The following ZNF473 variants were observed in gnomAD, a reference collection of about 807,000 sequenced individuals.
ZNF473 encodes zinc finger protein 473, also known as zinc finger protein 100 homolog.
Under a neutral mutation model 11.1 loss-of-function variants are expected in ZNF473, and 4 were observed. The observed-to-expected ratio is 0.36, with a 90% CI of 0.18 to 0.82. The LOEUF (loss-of-function observed/expected upper bound fraction) is 0.82, where lower values mean the gene tolerates loss of function less well. Ranked by LOEUF, ZNF473 falls within the 40% of genes least tolerant of loss-of-function variation. The probability of loss-of-function intolerance (pLI) is 0.49; values close to 1 mark genes in which losing one functional copy is unlikely to be tolerated. For synonymous variants in ZNF473, 404 were observed against 390.4 expected (o/e 1.03, Z -0.41); for missense variants, 854 against 1,084.0 (o/e 0.79, Z 2.98).
chr19:50,047,142 C>A lies in ZNF473; in HGVS notation c.*83C>A. On this transcript the variant is annotated 3_prime_UTR_variant, in exon 5 of 5. Transcript: ENST00000270617. Reference sequence around the variant, plus strand: ...GGAAACTATCCCATTGCAAGTTTCTCTCCAAATAAATGCATCTAAAGATTG... The same window carrying A: ...GGAAACTATCCCATTGCAAGTTTCTATCCAAATAAATGCATCTAAAGATTG... 1 of 1,188,794 alleles carries A rather than the reference C, an allele frequency of 8.4e-7. No homozygotes were observed. The highest frequency in any genetic ancestry group is 1.2e-6 in the Non-Finnish European group (1 of 856,336). The allele number at this position is 1,188,794 out of a possible 1,614,324, so 73.6% of individuals were successfully genotyped here.
intron 2 of ZNF473, among the ~76,000 whole-genome samples, chr19:50,035,163 G>A (rs1361887944): frequency 6.6e-6 from 1 of 151,984 alleles, no homozygotes; most frequent in Non-Finnish European, 1.5e-5. Context: ...GTGGTGGTGT[G>A]CACCTGTAGT....
chr19:50,027,581 G>A (rs749229104), intron 1 of ZNF473, among the ~76,000 whole-genome samples: 24 of 152,162 alleles, frequency 1.6e-4, no homozygotes, highest in Non-Finnish European at 3.2e-4. Context: ...GGTAACTGCA[G>A]ACAGGGATCT....
rs1272719473 is a variant in ZNF473 at position 50,046,507 on chromosome 19, C to T, written c.2064C>T (p.Tyr688=). ...ACAGAGTCTTCACCCAGAGAAACTACCTTGTTCAGCATGAGCGAACTCATG... is the reference window on the plus strand; with the variant it reads ...ACAGAGTCTTCACCCAGAGAAACTATCTTGTTCAGCATGAGCGAACTCATG... The part of the protein sequence containing the change: ...KCDRVFTQRN[Y]LVQHERTHAR... Residue 688 remains tyrosine (Y), a synonymous_variant, in exon 5 of 5, where the codon TAC becomes TAT. Coordinates refer to ENST00000270617, the MANE Select transcript of ZNF473 (RefSeq NM_015428.4). This position sits in a 1 kb window ranked among gnomAD's most constrained non-coding sequence, Gnocchi z 5.9. 1.9e-6 allele frequency: 3 copies of T among 1,614,238 alleles called. No homozygotes were observed. The highest frequency in any genetic ancestry group is 1.7e-5 in the Admixed American group (1 of 60,028).
rs1568410693 is a variant in ZNF473 at position 50,045,148 on chromosome 19, A to G, written c.705A>G (p.Lys235=). 1 of 1,614,142 alleles carries G rather than the reference A, an allele frequency of 6.2e-7. No homozygotes were observed. The highest frequency in any genetic ancestry group is 8.5e-7 in the Non-Finnish European group (1 of 1,180,018). Residue 235 remains lysine, a synonymous_variant, in exon 5 of 5, where the codon AAA becomes AAG. Transcript: ENST00000270617. ...TQHWITHTRE[K]PTVHQECEQG... is the part of the protein sequence containing the mutation. Reference sequence around the variant, plus strand: ...ACTGGATCACTCATACTAGGGAGAAACCCACTGTCCATCAAGAGTGTGAGC... The same window carrying G: ...ACTGGATCACTCATACTAGGGAGAAGCCCACTGTCCATCAAGAGTGTGAGC...
chr19:50,045,727 G>A lies in ZNF473; in HGVS notation c.1284G>A (p.Glu428=). Residue 428 remains glutamate, a synonymous_variant, in exon 5 of 5, where the codon GAG becomes GAA. Coordinates refer to ENST00000270617, the MANE Select transcript of ZNF473 (RefSeq NM_015428.4). The part of the protein sequence containing the change: ...LKIHQRVHSG[E]KPYKCSECGK... ...TCCATCAGAGGGTTCACAGTGGAGA[G>A]AAGCCTTACAAATGCAGTGAGTGTG... is the stretch of plus-strand genomic sequence containing the variant. 1 of 1,614,108 alleles carries A rather than the reference G, an allele frequency of 6.2e-7. No homozygotes were observed. Among genetic ancestry groups the A allele is most frequent in the Non-Finnish European group, 8.5e-7 (1 of 1,180,028 alleles).
At chr19:50,034,106 T>C (rs1046953612) in intron 2 of ZNF473, among the ~76,000 whole-genome samples, 1 of 152,206 alleles carries the variant, frequency 6.6e-6, no homozygotes, top group Non-Finnish European at 1.5e-5. Flanking sequence ...CTGCTTCTCC[T>C]ATGTCTCAGT....
Position 50,046,772 on chromosome 19 carries a change from C to T in ZNF473, c.2329C>T (p.Arg777Trp), listed in dbSNP as rs151290509. ...CCAGAGCTCATGCCTTTCTATTCAC[C>T]GGAGAGTTCACACTGGGGAGAAGCC... ...FTQSSCLSIH[R>W]RVHTGEKPYR... Residue 777 changes from arginine to tryptophan, a missense_variant, in exon 5 of 5, where the codon CGG becomes TGG. Around this residue, in one of 2 missense-constraint regions of ZNF473, gnomAD observed 186 missense variants for 293.8 expected, o/e 0.63. Coordinates refer to ENST00000270617, the MANE Select transcript of ZNF473 (RefSeq NM_015428.4). The surrounding 1 kb of genome is among the most constrained non-coding windows in gnomAD (Gnocchi z 5.9). The T allele has an allele frequency of 1.2e-4, 196 of 1,614,138 alleles. 2 individuals are homozygous for T. The African/African-American group carries it at 2.0e-3, about 17-fold the overall frequency.
At chr19:50,033,480 G>C (rs530144064) in intron 2 of ZNF473, among the ~76,000 whole-genome samples, 1 of 152,184 alleles carries the variant, frequency 6.6e-6, no homozygotes, top group Admixed American at 6.5e-5. Flanking sequence ...AGCAGAGGAG[G>C]GACAGGATTT....
At chr19:50,028,688 A>G (rs1297391728) in intron 1 of ZNF473, among the ~76,000 whole-genome samples, 1 of 152,108 alleles carries the variant, frequency 6.6e-6, no homozygotes, top group Non-Finnish European at 1.5e-5. Context: ...CAATGTTGCC[A>G]AATCCTAGGA....
At chr19:50,028,508 ATTTTTAATTTTTTTTTTT>A (rs2077299997) in intron 1 of ZNF473, among the ~76,000 whole-genome samples, 2 of 142,658 alleles carry the variant, frequency 1.4e-5, no homozygotes, top group African/African-American at 5.7e-5. Flanking sequence ...CAACTTGCTC[ATTTTTAATTTTTTTTTTT>A]TAGAAACAAG....
Position 50,046,042 on chromosome 19 carries a change from CGA to C in ZNF473, c.1603_1604del (p.Ser535CysfsTer28). On this transcript the variant is annotated frameshift_variant, in exon 5 of 5. Transcript: ENST00000270617. LOFTEE classifies it low-confidence loss of function (END_TRUNC). The surrounding 1 kb of genome is among the most constrained non-coding windows in gnomAD (Gnocchi z 5.9). ...FICGSTLKCH[E>X]SVHAREKQGF... Reference sequence around the variant, plus strand: ...TTTGCGGCTCAACCCTGAAGTGCCACGAGAGTGTTCACGCCAGAGAAAAACAA... The same window carrying C: ...TTTGCGGCTCAACCCTGAAGTGCCACGAGTGTTCACGCCAGAGAAAAACAA... 1 of 1,614,154 alleles carries C rather than the reference CGA, an allele frequency of 6.2e-7. No individual in the cohort carries two copies. Among genetic ancestry groups the C allele is most frequent in the Non-Finnish European group, 8.5e-7 (1 of 1,180,038 alleles).
At chr19:50,043,070 C>T (rs1027264892) in intron 4 of ZNF473, 1 of 152,292 alleles carries the variant, frequency 6.6e-6, no homozygotes, top group Non-Finnish European at 1.5e-5. Flanking sequence ...GATGGGGAGA[C>T]TGGAGGCATA....
chr19:50,031,066 C>G lies in ZNF473; in HGVS notation c.-17C>G. ...AGGAGGAGGAGCTTAAAAGAGGCTA[C>G]TGAACCCCAGTTGGCCATGGCTGAG... On this transcript the variant is annotated 5_prime_UTR_variant, in exon 2 of 5. Coordinates refer to ENST00000270617, the MANE Select transcript of ZNF473 (RefSeq NM_015428.4). The G allele has an allele frequency of 1.3e-6, 2 of 1,565,732 alleles. No homozygotes were observed. The highest frequency in any genetic ancestry group is 1.9e-5 in the Admixed American group (1 of 53,386).
At chr19:50,031,120 G>A (rs367671007) in intron 2 of ZNF473, 29 bp downstream of exon 2, 15 of 1,562,304 alleles carry the variant, frequency 9.6e-6, no homozygotes, top group African/African-American at 4.1e-5. Context: ...TGTCCTAATC[G>A]GTCACACCCA....
rs1978660827 is a variant in ZNF473 at position 50,039,565 on chromosome 19, A to G, written c.136+278A>G. Among the ~76,000 whole-genome samples the G allele has an allele frequency of 6.6e-6, 1 of 152,254 alleles. No homozygotes were observed. The highest frequency in any genetic ancestry group is 1.5e-5 in the Non-Finnish European group (1 of 68,046). On this transcript the variant is annotated intron_variant, in intron 3 of 4. Transcript: ENST00000270617. The surrounding 1 kb of genome is among the most constrained non-coding windows in gnomAD (Gnocchi z 4.8). ...AGTGCACAGCACAGCCCCACAACCAAGGATTGGCCCACGCCAGTGTCAGTA... is the reference window on the plus strand; with the variant it reads ...AGTGCACAGCACAGCCCCACAACCAGGGATTGGCCCACGCCAGTGTCAGTA...
chr19:50,043,063 G>T, intron 4 of ZNF473: 1 of 152,480 alleles, frequency 6.6e-6, no homozygotes, highest in Non-Finnish European at 1.5e-5. Context: ...GAGGAGAGAT[G>T]GGGAGACTGG....
chr19:50,041,582 G>T, intron 3 of ZNF473, 148 bp from the exon 4 acceptor site: 1 of 563,348 alleles, frequency 1.8e-6, no homozygotes, highest in Non-Finnish European at 3.1e-6. Context: ...GGCATCCCCA[G>T]AGTCGCCCAG....
Position 50,045,511 on chromosome 19 carries a change from C to T in ZNF473, c.1068C>T (p.Phe356=), listed in dbSNP as rs201114341. Residue 356 remains phenylalanine (F), a synonymous_variant, in exon 5 of 5, where the codon TTC becomes TTT. Transcript: ENST00000270617. ...AGTGTTCCAAGTGCCAGGCGACCTT[C>T]AACTTGAGAAAACACCTCATCCAAC... ...RYECSKCQAT[F]NLRKHLIQHQ... 2.8e-5 allele frequency: 46 copies of T among 1,614,104 alleles called. No individual in the cohort carries two copies. Among genetic ancestry groups the T allele is most frequent in the Non-Finnish European group, 3.9e-5 (46 of 1,180,050 alleles).
At chr19:50,031,853 T>C (rs993541492) in intron 2 of ZNF473, among the ~76,000 whole-genome samples, 10 of 152,062 alleles carry the variant, frequency 6.6e-5, no homozygotes, top group Admixed American at 1.3e-4. Flanking sequence ...TAAATATCTG[T>C]TCATCCTTAG....
Sources: gnomAD v4.1 joint callset for allele counts (sites outside exome capture counted in the v4.1 genomes callset) on GRCh38, gnomAD v4.1.1 for gene constraint, gnomAD v4.1.1 regional missense constraint, Gnocchi (gnomAD v3.1) non-coding constraint, MANE v1.5 for transcripts, NCBI Gene and HGNC (gene_info 2026-07-23, HGNC 2026-07-21) for gene names.